The following ITGB5 variants were observed in gnomAD, a reference collection of about 807,000 sequenced individuals.
The protein encoded by ITGB5 is integrin subunit beta 5, also known as integrin beta-5.
ITGB5 carries 38 observed loss-of-function variants against 84.8 expected under a neutral mutation model. The ratio of observed to expected loss-of-function variants is 0.45; its 90% CI spans 0.35 to 0.59. ITGB5 has a LOEUF of 0.59. ITGB5 is among the 20% of genes least tolerant of loss of function. ITGB5 has a pLI of 0.01. For missense variants in ITGB5, 905 were observed against 1,034.5 expected (o/e 0.87, Z 1.72); for synonymous variants, 393 against 414.4 (o/e 0.95, Z 0.63).
chr3:124,809,788 A>T (rs191560688), intron 8 of ITGB5, among the ~76,000 whole-genome samples: 2 of 152,324 alleles, frequency 1.3e-5, no homozygotes, highest in African/African-American at 2.4e-5. Flanking sequence ...ACAAAAATCA[A>T]GTCAAAATTA....
At chr3:124,823,019 G>A (rs1439821494) in intron 5 of ITGB5, among the ~76,000 whole-genome samples, 3 of 152,156 alleles carry the variant, frequency 2.0e-5, no homozygotes, top group Non-Finnish European at 2.9e-5. Context: ...CCAACACTTT[G>A]GGAGGCTGAG....
rs1443545014 is a variant in ITGB5, at chr3:124,764,437, T to A, written c.2258A>T (p.Glu753Val). 13 of 1,613,692 alleles carry A rather than the reference T, an allele frequency of 8.1e-6. No homozygotes were observed. The highest frequency in any genetic ancestry group is 5.0e-5 in the Admixed American group (3 of 59,998). ...TCGCTCGCTCTGAAACTTTGCAAAC[T>A]CCCTCCGGTCGTGGATGGTGACAAG... ...KLLVTIHDRREFAKFQSERSR... is the reference protein window; with the variant it reads ...KLLVTIHDRRVFAKFQSERSR... The change falls in exon 14 of 15, where the codon GAG becomes GTG. Residue 753 changes from glutamate to valine, a missense_variant. Physicochemically the swap from Glu to Val is moderately radical, Grantham distance 121. Transcript: ENST00000296181.
chr3:124,824,794 A>T (rs1055613876), intron 5 of ITGB5, among the ~76,000 whole-genome samples: 1 of 152,238 alleles, frequency 6.6e-6, no homozygotes, highest in Non-Finnish European at 1.5e-5. Flanking sequence ...GGTTCTCAAC[A>T]TCATTAGTCA....
intron 10 of ITGB5, among the ~76,000 whole-genome samples, chr3:124,784,769 C>G (rs2064056227): frequency 6.6e-6 from 1 of 152,198 alleles, no homozygotes; most frequent in Admixed American, 6.5e-5. Context: ...TTAACCTGCC[C>G]AATCCGCCTG....
Position 124,773,737 on chromosome 3 carries a change from C to A in ITGB5, c.1869G>T (p.Glu623Asp), listed in dbSNP as rs2063881688. 1 of 1,612,526 alleles carries A rather than the reference C, an allele frequency of 6.2e-7. No homozygotes were observed. The highest frequency in any genetic ancestry group is 1.7e-5 in the Admixed American group (1 of 60,006). The change falls in exon 11 of 15, where the codon GAG becomes GAT. Residue 623 changes from glutamate to aspartate, a missense_variant. Physicochemically the swap from Glu to Asp is conservative, Grantham distance 45. Coordinates refer to ENST00000296181, the MANE Select transcript of ITGB5 (RefSeq NM_002213.5). Reference protein sequence around the residue: ...CQCTEPGAFGEMCEKCPTCPD... With the variant: ...CQCTEPGAFGDMCEKCPTCPD... ...GGCAGGTGGGGCACTTCTCACACAT[C>A]TCCCCAAAGGCCCCCGGCTCCGTGC...
intron 9 of ITGB5, among the ~76,000 whole-genome samples, chr3:124,805,664 C>A (rs1339075502): frequency 6.6e-6 from 1 of 152,016 alleles, no homozygotes; most frequent in Non-Finnish European, 1.5e-5. Flanking sequence ...ATTGTCCAGG[C>A]TGGTTTTAAA....
At chr3:124,875,456 G>A (rs545279739) in intron 1 of ITGB5, among the ~76,000 whole-genome samples, 1 of 127,692 alleles carries the variant, frequency 7.8e-6, no homozygotes, top group South Asian at 2.6e-4. Context: ...CACCCTGGGT[G>A]ACAGAGCAAG....
intron 10 of ITGB5, among the ~76,000 whole-genome samples, chr3:124,786,524 TGGACTCAC>T (rs953076523): frequency 2.0e-5 from 3 of 152,190 alleles, no homozygotes; most frequent in Non-Finnish European, 4.4e-5. Context: ...TAGGGACATC[TGGACTCAC>T]CTGATAGACT....
chr3:124,865,981 C>T (rs2065383404), intron 2 of ITGB5, among the ~76,000 whole-genome samples: 1 of 151,912 alleles, frequency 6.6e-6, no homozygotes, highest in African/African-American at 2.4e-5. Context: ...ATGTTAACAC[C>T]TGACTCCATA....
intron 4 of ITGB5, among the ~76,000 whole-genome samples, chr3:124,845,642 T>A (rs1388212767): frequency 6.6e-6 from 1 of 152,298 alleles, no homozygotes; most frequent in East Asian, 1.9e-4. Flanking sequence ...AGTAATGATG[T>A]GTCATAACTT....
chr3:124,768,972 G>A (rs1303419512), intron 12 of ITGB5, 41 bp downstream of exon 12: 1 of 1,515,786 alleles, frequency 6.6e-7, no homozygotes. Context: ...CCCCAGGAAG[G>A]AGAAAAACCG....
chr3:124,796,891 C>T, intron 9 of ITGB5, 74 bp from the exon 10 acceptor site: 2 of 1,445,820 alleles, frequency 1.4e-6, no homozygotes, highest in Non-Finnish European at 1.9e-6. Context: ...GGGCAGGGCC[C>T]TTGATGAAGA....
chr3:124,838,937 C>T (rs766007963), intron 5 of ITGB5, among the ~76,000 whole-genome samples: 3 of 152,116 alleles, frequency 2.0e-5, no homozygotes, highest in South Asian at 2.1e-4. Context: ...ATGACTGTTG[C>T]GTAGTCTTTC....
chr3:124,812,658 C>T (rs938238222), intron 8 of ITGB5, among the ~76,000 whole-genome samples: 1 of 152,200 alleles, frequency 6.6e-6, no homozygotes, highest in African/African-American at 2.4e-5. Context: ...CAAAGCACCA[C>T]ATTGCCAAAC....
chr3:124,861,495 T>TACACACACACACAC lies in ITGB5; in HGVS notation c.157-2063_157-2050dup, dbSNP rs1553766077. The stretch of plus-strand genomic sequence containing the variant: ...ACAAAACAAAACATATATATATATA[T>TACACACACACACAC]ACACACACACACACACACACACACA... On this transcript the variant is annotated intron_variant, in intron 2 of 14. Coordinates refer to ENST00000296181, the MANE Select transcript of ITGB5 (RefSeq NM_002213.5). 4.0e-3 allele frequency among the ~76,000 whole-genome samples: 453 copies of TACACACACACACAC among 111,968 alleles called. 2 individuals carry two copies. Among genetic ancestry groups the TACACACACACACAC allele is most frequent in the African/African-American group, 5.6e-3 (148 of 26,544 alleles). 73.5% of individuals were successfully genotyped at this position (111,968 alleles called of 152,430 possible).
chr3:124,815,724 T>G (rs374781163), intron 8 of ITGB5, among the ~76,000 whole-genome samples: 147 of 152,234 alleles, frequency 9.7e-4, no homozygotes, highest in African/African-American at 3.1e-3. Flanking sequence ...GAGGGTGACA[T>G]TCACAGGCCT....
intron 9 of ITGB5, among the ~76,000 whole-genome samples, chr3:124,806,137 G>C (rs1327221343): frequency 3.9e-5 from 6 of 152,154 alleles, no homozygotes; most frequent in Non-Finnish European, 1.5e-5. Flanking sequence ...CCGCATGACT[G>C]TGCTGTTGTC....
chr3:124,780,310 A>T (rs1372630460), intron 10 of ITGB5, among the ~76,000 whole-genome samples: 1 of 152,200 alleles, frequency 6.6e-6, no homozygotes, highest in Non-Finnish European at 1.5e-5. Context: ...GCAGGACCGC[A>T]GTGGGGCTGC....
At chr3:124,779,442 G>A (rs149415487) in intron 10 of ITGB5, among the ~76,000 whole-genome samples, 11 of 152,274 alleles carry the variant, frequency 7.2e-5, no homozygotes, top group Non-Finnish European at 1.5e-4. Flanking sequence ...CTACCCTGTG[G>A]TCTCAGGCAC....
Sources: allele counts gnomAD v4.1 joint callset (sites outside exome capture counted in the v4.1 genomes callset), GRCh38; gene constraint gnomAD v4.1.1; transcripts MANE v1.5; gene names NCBI Gene and HGNC (gene_info 2026-07-23, HGNC 2026-07-21).